Variants in PHIP observed in about 807,000 individuals in gnomAD.
PHIP encodes PH-interacting protein.
PHIP carries 54 observed loss-of-function variants against 236.8 expected under a neutral mutation model. That is an observed-to-expected ratio of 0.23 (90% CI 0.18 to 0.29). PHIP has a LOEUF of 0.29. Among genes scored for constraint, PHIP ranks in the 10% least tolerant of loss-of-function variants. PHIP has a pLI of 1.00. For missense variants in PHIP, 1,370 were observed against 2,190.8 expected, an observed-to-expected ratio of 0.63 and a Z score of 7.48; for synonymous variants, 756 against 718.9, an observed-to-expected ratio of 1.05 and a Z score of -0.83.
At chr6:78,975,889 G>A (rs1338077670) in intron 24 of PHIP, among the ~76,000 whole-genome samples, 1 of 149,698 alleles carries the variant, frequency 6.7e-6, no homozygotes, top group African/African-American at 2.4e-5. Flanking sequence ...ACAAACAAAT[G>A]GAAGAACATT....
Position 78,946,193 on chromosome 6 carries a change from T to C in PHIP, c.4438A>G (p.Thr1480Ala). The C allele has an allele frequency of 1.9e-6, 3 of 1,613,450 alleles. No individual in the cohort carries two copies. The highest frequency in any genetic ancestry group is 2.5e-6 in the Non-Finnish European group (3 of 1,179,394). Residue 1480 changes from threonine to alanine, a missense_variant, in exon 38 of 40, where the codon ACA becomes GCA. By Grantham distance (58) the Thr-to-Ala change is moderately conservative (BLOSUM62 0). This residue lies in a region of PHIP where 125 missense variants were observed against 235.1 expected (regional missense o/e 0.53). Coordinates refer to ENST00000275034, the MANE Select transcript of PHIP (RefSeq NM_017934.7). ...KSESSTSAFS[T>A]PTRSIPPRHN... ...CTTGGCGGTATTGATCGTGTAGGTG[T>C]AGAGAATGCAGAGGTAGAGCTTTCT...
chr6:78,969,914 G>A lies in PHIP; in HGVS notation c.3126C>T (p.Tyr1042=). 6.3e-7 allele frequency: 1 copy of A among 1,591,546 alleles called. No individual in the cohort carries two copies. Among genetic ancestry groups the A allele is most frequent in the Non-Finnish European group, 8.6e-7 (1 of 1,164,504 alleles). The change falls in exon 27 of 40, where the codon TAC becomes TAT. Residue 1042 remains tyrosine (Y), a synonymous_variant. Coordinates refer to ENST00000275034, the MANE Select transcript of PHIP (RefSeq NM_017934.7). The part of the protein sequence containing the change: ...KLTGGSFTMK[Y]HDMPDVIDFL... ...AATCTATAACGTCAGGCATATCATG[G>A]TATCTAATTACAAACAGAAACAAAT...
intron 4 of PHIP, among the ~76,000 whole-genome samples, chr6:79,074,887 T>A (rs1208281221): frequency 6.6e-6 from 1 of 152,132 alleles, no homozygotes; most frequent in Non-Finnish European, 1.5e-5. Flanking sequence ...TTACACCCCA[T>A]TTTAAGCAGC....
chr6:79,067,137 T>A (rs1328881638), intron 4 of PHIP, among the ~76,000 whole-genome samples: 1 of 152,246 alleles, frequency 6.6e-6, no homozygotes, highest in African/African-American at 2.4e-5. Context: ...TCCTCCTGCC[T>A]CAGCCTCTCA....
At chr6:78,964,578 C>G (rs546796236) in intron 29 of PHIP, among the ~76,000 whole-genome samples, 1 of 152,112 alleles carries the variant, frequency 6.6e-6, no homozygotes, top group Non-Finnish European at 1.5e-5. Flanking sequence ...CTGCCACCTC[C>G]GCCTCCCAGG....
chr6:79,077,343 T>A lies in PHIP; in HGVS notation c.189+105A>T, dbSNP rs958298591. ...ACCCTCCCCATGGCCTTTGGAGCTT[T>A]CACGTTCTAGGGCCAAGTTTTTGTC... On this transcript the variant is annotated intron_variant, in intron 4 of 39. Transcript: ENST00000275034. 3.6e-6 allele frequency: 4 copies of A among 1,099,036 alleles called. No individual in the cohort carries two copies. In the East Asian group the frequency reaches 1.1e-4, roughly 30 times the overall value. The allele number at this position is 1,099,036 out of a possible 1,614,324, so 68.1% of individuals were successfully genotyped here. A position where few individuals can be genotyped will look rare whatever the true frequency, so the allele number is the denominator to read the frequency against.
At position 79,025,635 on chromosome 6, in the gene PHIP, C is replaced by A. The variant is rs1426545612; in HGVS notation, c.823-16G>T. 5 of 1,497,336 alleles carry A rather than the reference C, an allele frequency of 3.3e-6. No individual in the cohort carries two copies. The highest frequency in any genetic ancestry group is 2.4e-5 in the South Asian group (2 of 84,354). The allele number at this position is 1,497,336 out of a possible 1,614,324, so 92.8% of individuals were successfully genotyped here. On this transcript the variant is annotated splice_polypyrimidine_tract_variant and intron_variant, in intron 8 of 39. Transcript: ENST00000275034. ...ATGGTGAGAACTGAAAAGACAATCA[C>A]AGAAAAAAAATCTTTACAAGAGTGA...
intron 35 of PHIP, among the ~76,000 whole-genome samples, chr6:78,952,601 T>C (rs574157090): frequency 2.6e-5 from 4 of 152,186 alleles, no homozygotes; most frequent in African/African-American, 9.6e-5. Flanking sequence ...ACACTCTTAA[T>C]CTCTTTATCA....
At chr6:79,022,780 C>T (rs1012083987) in intron 9 of PHIP, among the ~76,000 whole-genome samples, 1 of 152,150 alleles carries the variant, frequency 6.6e-6, no homozygotes, top group African/African-American at 2.4e-5. Flanking sequence ...CATCTTTGCT[C>T]GTGAGTTGGT....
intron 15 of PHIP, among the ~76,000 whole-genome samples, chr6:79,008,441 A>G (rs899153827): frequency 6.6e-6 from 1 of 152,110 alleles, no homozygotes; most frequent in African/African-American, 2.4e-5. Flanking sequence ...ACCAAAATAA[A>G]TATCTTCAAA....
chr6:78,957,634 G>C (rs913920568), intron 32 of PHIP: 1 of 145,074 alleles, frequency 6.9e-6, no homozygotes, highest in Admixed American at 6.9e-5. Context: ...AAAAATGAAA[G>C]CTGATAACAG....
At chr6:79,039,086 A>G (rs1772081509) in intron 7 of PHIP, among the ~76,000 whole-genome samples, 1 of 152,158 alleles carries the variant, frequency 6.6e-6, no homozygotes. Context: ...CTGTATATAG[A>G]GTTAGTTTGA....
intron 31 of PHIP, 70 bp from the exon 32 acceptor site, chr6:78,958,670 A>G: frequency 2.2e-6 from 2 of 920,816 alleles, no homozygotes; most frequent in Non-Finnish European, 3.5e-6. Flanking sequence ...ATTTAAAACC[A>G]AGACATTCCA....
At chr6:78,977,486 T>C (rs1396532668) in intron 24 of PHIP, among the ~76,000 whole-genome samples, 1 of 152,092 alleles carries the variant, frequency 6.6e-6, no homozygotes, top group Non-Finnish European at 1.5e-5. Context: ...GTAACTAACC[T>C]GCACAATGTA....
chr6:78,943,792 G>A (rs1773639979), intron 39 of PHIP, among the ~76,000 whole-genome samples: 1 of 151,984 alleles, frequency 6.6e-6, no homozygotes. Context: ...TTTGAGACCA[G>A]CCTGGTCAAA....
Position 78,941,207 on chromosome 6 carries a change from C to T in PHIP, c.4952G>A (p.Ser1651Asn). ...CCTTTTCTTGTGTATAATTTCACCA[C>T]TATTGGTATTAACTTCTACTTTAGG... is the stretch of plus-strand genomic sequence containing the variant. ...RKPKVEVNTN[S>N]GEIIHKKRGR... The change falls in exon 40 of 40, where the codon AGT becomes AAT. Residue 1651 changes from serine (S) to asparagine (N), a missense_variant. Ser to Asn is a conservative substitution (Grantham distance 46, BLOSUM62 1). This residue lies in a region of PHIP where 309 missense variants were observed against 328.3 expected (regional missense o/e 0.94). Coordinates refer to ENST00000275034, the MANE Select transcript of PHIP (RefSeq NM_017934.7). 1 of 1,613,982 alleles carries T rather than the reference C, an allele frequency of 6.2e-7. No individual in the cohort carries two copies. The highest frequency in any genetic ancestry group is 8.5e-7 in the Non-Finnish European group (1 of 1,179,932).
intron 4 of PHIP, among the ~76,000 whole-genome samples, chr6:79,069,705 T>C (rs967479703): frequency 6.6e-6 from 1 of 152,086 alleles, no homozygotes; most frequent in Non-Finnish European, 1.5e-5. Flanking sequence ...TCAGTACAAG[T>C]CAAGTCCTCT....
chr6:78,955,868 C>G, intron 32 of PHIP, 186 bp from the exon 33 acceptor site: 1 of 341,246 alleles, frequency 2.9e-6, no homozygotes. Context: ...CTATGTAGAG[C>G]TTTCAGTGTG....
chr6:79,017,338 T>C lies in PHIP; in HGVS notation c.1136+8A>G. 1.4e-6 allele frequency: 2 copies of C among 1,449,852 alleles called. No homozygotes were observed. Among genetic ancestry groups the C allele is most frequent in the East Asian group, 2.3e-5 (1 of 43,652 alleles). 89.8% of individuals were successfully genotyped at this position (1,449,852 alleles called of 1,614,324 possible). On this transcript the variant is annotated splice_region_variant and intron_variant, in intron 12 of 39. Coordinates refer to ENST00000275034, the MANE Select transcript of PHIP (RefSeq NM_017934.7). ...TAAAATTAGAATTAAATTAGACAAA[T>C]ATTTTACCTGTTACTAGTGTTGGAA...
Sources: allele counts gnomAD v4.1 joint callset (sites outside exome capture counted in the v4.1 genomes callset), GRCh38; gene constraint gnomAD v4.1.1; regional missense constraint gnomAD v4.1.1; transcripts MANE v1.5; gene names NCBI Gene and HGNC (gene_info 2026-07-23, HGNC 2026-07-21).